The following ITGB2 variants were observed in gnomAD, a reference collection of about 807,000 sequenced individuals.
ITGB2 encodes the protein integrin subunit beta 2.
A neutral mutation model predicts 86.8 loss-of-function variants in ITGB2; 56 were observed. That is an observed-to-expected ratio of 0.65 (90% CI 0.52 to 0.81). The LOEUF (loss-of-function observed/expected upper bound fraction) is 0.81, where lower values mean the gene tolerates loss of function less well. Among genes scored for constraint, ITGB2 ranks in the 30% least tolerant of loss-of-function variants. The probability of loss-of-function intolerance (pLI) is 0.00; values close to 1 mark genes in which losing one functional copy is unlikely to be tolerated. For synonymous variants in ITGB2, 457 were observed against 450.4 expected (o/e 1.01, Z -0.19); for missense variants, 948 against 1,061.2 (o/e 0.89, Z 1.48).
chr21:44,886,261 T>G lies in ITGB2; in HGVS notation c.*107A>C. On this transcript the variant is annotated 3_prime_UTR_variant, in exon 16 of 16. Coordinates refer to ENST00000652462, the MANE Select transcript of ITGB2 (RefSeq NM_000211.5). ...ATTTTGAGGGCGGAAAATAACTGGA[T>G]TTCTGGTTAATTGGTGACATCCTCA... The G allele has an allele frequency of 9.1e-7, 1 of 1,100,400 alleles. No individual in the cohort carries two copies. Among genetic ancestry groups the G allele is most frequent in the Non-Finnish European group, 1.4e-6 (1 of 714,610 alleles). The allele number at this position is 1,100,400 out of a possible 1,614,324, so 68.2% of individuals were successfully genotyped here. A position where few individuals can be genotyped will look rare whatever the true frequency, so the allele number is the denominator to read the frequency against.
chr21:44,902,602 C>T (rs1181559358), intron 5 of ITGB2, among the ~76,000 whole-genome samples: 6 of 150,830 alleles, frequency 4.0e-5, no homozygotes. Context: ...CATGCATTCG[C>T]GTGTGTGAGC....
chr21:44,903,319 G>A, intron 5 of ITGB2, 46 bp downstream of exon 5: 2 of 1,611,280 alleles, frequency 1.2e-6, no homozygotes, highest in South Asian at 1.1e-5. Flanking sequence ...GAGTGGCCAG[G>A]GTCTGGGAAA....
In ITGB2 at chr21:44,891,949, C is replaced by G; in HGVS notation, c.1272G>C (p.Gln424His). ...KVTATECIQE[Q>H]SFVIRALGFT... ...AGCCCAGCGCCCGGATGACAAACGA[C>G]TGCTCCTGGATGCACTCTGTGGCCG... The change falls in exon 11 of 16, where the codon CAG becomes CAC. Residue 424 changes from glutamine to histidine, a missense_variant. Physicochemically the swap from Gln to His is conservative, Grantham distance 24 (BLOSUM62 0). Coordinates refer to ENST00000652462, the MANE Select transcript of ITGB2 (RefSeq NM_000211.5). 6.2e-7 allele frequency: 1 copy of G among 1,613,440 alleles called. No individual in the cohort carries two copies. Among genetic ancestry groups the G allele is most frequent in the Non-Finnish European group, 8.5e-7 (1 of 1,180,018 alleles).
At chr21:44,911,397 A>C (rs2146548671) in intron 1 of ITGB2, 1 of 155,492 alleles carries the variant, frequency 6.4e-6, no homozygotes, top group East Asian at 1.9e-4. Flanking sequence ...ACTCTGCCCC[A>C]GTGTGCCCCA....
Position 44,910,888 on chromosome 21 carries a change from C to T in ITGB2, c.-3-103G>A, listed in dbSNP as rs1601323491. Reference sequence around the variant, plus strand: ...TGGCCTGGGACAAGGAGCTGGGGCCCTGTCCCTGCTGCAGGGGGTGGGTTA... The same window carrying T: ...TGGCCTGGGACAAGGAGCTGGGGCCTTGTCCCTGCTGCAGGGGGTGGGTTA... On this transcript the variant is annotated intron_variant, in intron 1 of 15. Transcript: ENST00000652462. The T allele has an allele frequency of 5.1e-6, 6 of 1,168,956 alleles. No homozygotes were observed. In the East Asian group the frequency reaches 1.5e-4, roughly 29 times the overall value. The allele number at this position is 1,168,956 out of a possible 1,614,324, so 72.4% of individuals were successfully genotyped here.
At position 44,889,437 on chromosome 21, in the gene ITGB2, C is replaced by T. The variant is rs767238034; in HGVS notation, c.1716G>A (p.Ala572=). ...CRCHPGFEGS[A]CQCERTTEGC... ...CCTCAGTGGTCCTCTCGCACTGGCA[C>T]GCTGAGCCCTCAAAGCCCGGGTGGC... is the stretch of plus-strand genomic sequence containing the variant. The change falls in exon 13 of 16, where the codon GCG becomes GCA. Residue 572 remains alanine, a synonymous_variant. Transcript: ENST00000652462. The T allele has an allele frequency of 9.3e-6, 15 of 1,607,882 alleles. No individual in the cohort carries two copies. Among genetic ancestry groups the T allele is most frequent in the East Asian group, 2.2e-5 (1 of 44,566 alleles).
chr21:44,927,592 C>T (rs1220240175), intron 1 of ITGB2: 1 of 152,322 alleles, frequency 6.6e-6, no homozygotes, highest in Non-Finnish European at 1.5e-5. Flanking sequence ...CCCACGTAGG[C>T]CTTTTTTTTT....
intron 10 of ITGB2, 126 bp downstream of exon 10, chr21:44,893,278 G>A: frequency 8.5e-7 from 1 of 1,175,270 alleles, no homozygotes; most frequent in East Asian, 2.4e-5. Context: ...GCTGGGATGG[G>A]GACCCTGGCT....
chr21:44,912,116 A>G (rs1408814005), intron 1 of ITGB2, among the ~76,000 whole-genome samples: 6 of 152,100 alleles, frequency 3.9e-5, no homozygotes, highest in Admixed American at 1.3e-4. Context: ...CCTCCAGCAA[A>G]TGCCAGTTCC....
chr21:44,886,524 C>G, intron 15 of ITGB2, 94 bp from the exon 16 acceptor site: 2 of 1,476,722 alleles, frequency 1.4e-6, no homozygotes, highest in Non-Finnish European at 1.9e-6. Context: ...GAAGCCGTCA[C>G]TTTGAGGAAG....
At position 44,912,533 on chromosome 21, in the gene ITGB2, G is replaced by A. The variant is rs112657995; in HGVS notation, c.-3-1748C>T. Among the ~76,000 whole-genome samples, 1,088 of 152,270 alleles carry A rather than the reference G, an allele frequency of 7.1e-3. 11 individuals carry two copies. The highest frequency in any genetic ancestry group is 0.024 in the African/African-American group (1,006 of 41,558). On this transcript the variant is annotated intron_variant, in intron 1 of 15. Coordinates refer to ENST00000652462, the MANE Select transcript of ITGB2 (RefSeq NM_000211.5). ...CAAAAGGGAACCCTTGATCCTTCCC[G>A]TCCTGGGGTCAAAAACAGAACCTGC...
Position 44,891,813 on chromosome 21 carries a change from A to G in ITGB2, c.1408T>C (p.Cys470Arg). 1 of 1,605,140 alleles carries G rather than the reference A, an allele frequency of 6.2e-7. No homozygotes were observed. The highest frequency in any genetic ancestry group is 8.5e-7 in the Non-Finnish European group (1 of 1,179,942). ...HGKGFLECGICRCDTGYIGKN... is the reference protein window; with the variant it reads ...HGKGFLECGIRRCDTGYIGKN... ...AGGGACCTGCGCCCGCCTCACCTGC[A>G]GATGCCGCACTCCAAGAAGCCCTTG... Residue 470 changes from cysteine (C) to arginine (R), a missense_variant, in exon 11 of 16, where the codon TGC becomes CGC. By Grantham distance (180) the Cys-to-Arg change is radical. Coordinates refer to ENST00000652462, the MANE Select transcript of ITGB2 (RefSeq NM_000211.5).
At chr21:44,915,066 C>T (rs923063696) in intron 1 of ITGB2, among the ~76,000 whole-genome samples, 6 of 152,078 alleles carry the variant, frequency 3.9e-5, no homozygotes, top group South Asian at 2.1e-4. Context: ...GCGCTGTCAC[C>T]GGCCTGGAGT....
chr21:44,900,590 C>G, intron 6 of ITGB2, 115 bp from the exon 7 acceptor site: 1 of 1,287,320 alleles, frequency 7.8e-7, no homozygotes, highest in Non-Finnish European at 1.1e-6. Context: ...GGTGTGGGTC[C>G]CCCTTTCCCC....
At chr21:44,922,807 A>C (rs977146244), upstream of ITGB2, 3 of 152,338 alleles carry the variant, frequency 2.0e-5, no homozygotes, top group East Asian at 1.9e-4. Flanking sequence ...AATGGGTTAC[A>C]TTTTCTTGTT....
chr21:44,888,583 G>A (rs999470994), intron 14 of ITGB2, 110 bp downstream of exon 14: 252 of 1,266,568 alleles, frequency 2.0e-4, no homozygotes, highest in Non-Finnish European at 2.7e-4. Context: ...CCACCCTGCT[G>A]GGCCCACAAC....
chr21:44,905,939 G>A (rs570471156), intron 4 of ITGB2, among the ~76,000 whole-genome samples: 2 of 152,230 alleles, frequency 1.3e-5, no homozygotes, highest in South Asian at 2.1e-4. Flanking sequence ...CAGCCTGTCC[G>A]ACACCAGCTG....
chr21:44,923,419 A>G (rs1212272674), upstream of ITGB2, among the ~76,000 whole-genome samples: 1 of 135,728 alleles, frequency 7.4e-6, no homozygotes, highest in Admixed American at 7.8e-5. Flanking sequence ...ATATTTGCAG[A>G]TGGTGCAGTA....
intron 14 of ITGB2, among the ~76,000 whole-genome samples, chr21:44,887,132 C>T (rs560731381): frequency 6.6e-6 from 1 of 152,180 alleles, no homozygotes; most frequent in African/African-American, 2.4e-5. Flanking sequence ...GCCATTGCCA[C>T]CACCCCTGCT....
Sources: allele counts gnomAD v4.1 joint callset (sites outside exome capture counted in the v4.1 genomes callset), GRCh38; gene constraint gnomAD v4.1.1; transcripts MANE v1.5; gene names NCBI Gene and HGNC (gene_info 2026-07-23, HGNC 2026-07-21).